Variants in CSMD3 observed in about 807,000 individuals in gnomAD.
The protein encoded by CSMD3 is CUB and sushi domain-containing protein 3.
A neutral mutation model predicts 435.2 loss-of-function variants in CSMD3; 177 were observed. The observed-to-expected ratio is 0.41, with a 90% CI of 0.36 to 0.46. The LOEUF is 0.46. CSMD3 is among the 20% of genes least tolerant of loss of function. The probability of loss-of-function intolerance (pLI) is 0.34; values close to 1 mark genes in which losing one functional copy is unlikely to be tolerated. For missense variants in CSMD3, 4,265 were observed against 4,504.6 expected, an observed-to-expected ratio of 0.95 and a Z score of 1.52; for synonymous variants, 1,656 against 1,520.5, an observed-to-expected ratio of 1.09 and a Z score of -2.07.
At chr8:112,848,440 A>C (rs1417352761) in intron 11 of CSMD3, among the ~76,000 whole-genome samples, 1 of 152,118 alleles carries the variant, frequency 6.6e-6, no homozygotes, top group Non-Finnish European at 1.5e-5. Context: ...TTATACAATA[A>C]ATGTTAACTG....
chr8:112,722,436 G>C (rs758441493), intron 13 of CSMD3, among the ~76,000 whole-genome samples: 1 of 152,128 alleles, frequency 6.6e-6, no homozygotes, highest in African/African-American at 2.4e-5. Flanking sequence ...AGGTTGTTAC[G>C]ATTAGAAGAT....
At chr8:112,619,795 T>A (rs575762860) in intron 22 of CSMD3, among the ~76,000 whole-genome samples, 2 of 122,804 alleles carry the variant, frequency 1.6e-5, no homozygotes, top group African/African-American at 7.2e-5. Context: ...ACATGTTGTA[T>A]CTTTCTCCTA....
At chr8:112,362,764 G>A (rs1359066901) in intron 38 of CSMD3, among the ~76,000 whole-genome samples, 1 of 151,958 alleles carries the variant, frequency 6.6e-6, no homozygotes, top group African/African-American at 2.4e-5. Flanking sequence ...TTGCTCCATA[G>A]AAGTAACCCA....
At chr8:112,325,674 A>C (rs552670964) in intron 45 of CSMD3, among the ~76,000 whole-genome samples, 8 of 152,152 alleles carry the variant, frequency 5.3e-5, no homozygotes, top group African/African-American at 1.9e-4. Flanking sequence ...ATTACATATA[A>C]GTATATATAT....
chr8:113,087,967 A>T (rs201764647), intron 5 of CSMD3, among the ~76,000 whole-genome samples: 14,146 of 150,648 alleles, frequency 0.094, 833 homozygotes, highest in Middle Eastern at 0.16. Flanking sequence ...TCATCTGACA[A>T]AGGGCTAATA....
intron 5 of CSMD3, among the ~76,000 whole-genome samples, chr8:113,080,913 C>T (rs7812581): frequency 0.67 from 102,235 of 152,018 alleles, 35,988 homozygotes; most frequent in East Asian, 0.95. Context: ...ACAAAATGAG[C>T]AAAAACTGCT....
chr8:113,062,262 C>A (rs1054578022), intron 5 of CSMD3, among the ~76,000 whole-genome samples: 1 of 151,724 alleles, frequency 6.6e-6, no homozygotes, highest in African/African-American at 2.4e-5. Context: ...CTAAAAGTAT[C>A]CCAATAAGCC....
intron 5 of CSMD3, among the ~76,000 whole-genome samples, chr8:113,029,502 TAAAC>T (rs2087001856): frequency 6.6e-6 from 1 of 151,550 alleles, no homozygotes; most frequent in African/African-American, 2.4e-5. Flanking sequence ...ATACACCACA[TAAAC>T]AGAATTAAAA....
At chr8:113,327,354 C>A (rs1014917218) in intron 1 of CSMD3, among the ~76,000 whole-genome samples, 1 of 152,098 alleles carries the variant, frequency 6.6e-6, no homozygotes, top group South Asian at 2.1e-4. Context: ...TTAAAAGCAA[C>A]AAATATACTG....
At chr8:112,770,858 G>A (rs963759976) in intron 13 of CSMD3, among the ~76,000 whole-genome samples, 4 of 151,934 alleles carry the variant, frequency 2.6e-5, no homozygotes, top group African/African-American at 9.7e-5. Flanking sequence ...ATTTGACTCT[G>A]ATCTATTCAC....
chr8:112,493,002 AG>A (rs1290646690), intron 30 of CSMD3, among the ~76,000 whole-genome samples: 1 of 152,148 alleles, frequency 6.6e-6, no homozygotes, highest in Non-Finnish European at 1.5e-5. Flanking sequence ...CCAGTTACCC[AG>A]GGATACCAAG....
intron 27 of CSMD3, among the ~76,000 whole-genome samples, chr8:112,541,490 G>C (rs1826656554): frequency 6.6e-6 from 1 of 151,462 alleles, no homozygotes; most frequent in Non-Finnish European, 1.5e-5. Context: ...TTACAAGCTG[G>C]ATAACTTAGG....
chr8:112,899,662 T>TAA (rs2082054106), intron 10 of CSMD3, among the ~76,000 whole-genome samples: 1 of 121,690 alleles, frequency 8.2e-6, no homozygotes, highest in African/African-American at 3.0e-5. Context: ...CGCAAATACA[T>TAA]ACACACACAC....
At chr8:113,215,653 TAA>T (rs1310355574) in intron 3 of CSMD3, among the ~76,000 whole-genome samples, 4 of 151,934 alleles carry the variant, frequency 2.6e-5, no homozygotes, top group Non-Finnish European at 2.9e-5. Context: ...ACACTAAAAT[TAA>T]GTTTCCATTA....
At chr8:113,199,306 C>A (rs2092692958) in intron 3 of CSMD3, among the ~76,000 whole-genome samples, 1 of 151,402 alleles carries the variant, frequency 6.6e-6, no homozygotes, top group South Asian at 2.1e-4. Flanking sequence ...ATTTCTTAAG[C>A]AAAAATTATT....
chr8:113,151,532 A>G (rs2091805783), intron 4 of CSMD3, among the ~76,000 whole-genome samples: 1 of 152,010 alleles, frequency 6.6e-6, no homozygotes, highest in Admixed American at 6.6e-5. Context: ...TAATGGCAAG[A>G]ATAATATAAA....
At chr8:113,357,832 C>T (rs529924928) in intron 1 of CSMD3, among the ~76,000 whole-genome samples, 15 of 152,146 alleles carry the variant, frequency 9.9e-5, no homozygotes, top group Non-Finnish European at 2.2e-4. Context: ...CTGTCTCCTG[C>T]TGGCCATGTG....
chr8:113,138,454 A>G (rs954751823), intron 4 of CSMD3, among the ~76,000 whole-genome samples: 1 of 151,516 alleles, frequency 6.6e-6, no homozygotes, highest in African/African-American at 2.4e-5. Flanking sequence ...CAAATAAGTC[A>G]ATAGGTTTCA....
chr8:112,725,137 A>C (rs1009520930), intron 13 of CSMD3, among the ~76,000 whole-genome samples: 4 of 152,016 alleles, frequency 2.6e-5, no homozygotes, highest in African/African-American at 9.7e-5. Context: ...CTGGCAGGGA[A>C]AGTGGGGTCA....
Sources: allele counts gnomAD v4.1 joint callset (sites outside exome capture counted in the v4.1 genomes callset), GRCh38; gene constraint gnomAD v4.1.1; transcripts MANE v1.5; gene names NCBI Gene and HGNC (gene_info 2026-07-23, HGNC 2026-07-21).